NEGR1: variants seen among roughly 807,000 people sequenced by gnomAD.
NEGR1 encodes the protein neuronal growth regulator 1.
NEGR1 carries 10 observed loss-of-function variants against 40.9 expected under a neutral mutation model. That is an observed-to-expected ratio of 0.24 (90% confidence interval 0.15 to 0.42). The LOEUF (loss-of-function observed/expected upper bound fraction) is 0.42. Ranked by LOEUF, NEGR1 falls within the 10% of genes least tolerant of loss-of-function variation. The probability of loss-of-function intolerance (pLI) is 1.00; values close to 1 mark genes in which losing one functional copy is unlikely to be tolerated. For synonymous variants in NEGR1, 185 were observed against 166.8 expected (o/e 1.11, Z -0.84); for missense variants, 352 against 438.9 (o/e 0.80, Z 1.77).
At chr1:72,145,775 A>C (rs1357176639) in intron 1 of NEGR1, among the ~76,000 whole-genome samples, 1 of 152,038 alleles carries the variant, frequency 6.6e-6, no homozygotes, top group Admixed American at 6.6e-5. Flanking sequence ...TTCTTTACTC[A>C]GAATTATCAT....
chr1:71,496,056 A>T (rs1646961078), intron 6 of NEGR1, among the ~76,000 whole-genome samples: 1 of 152,174 alleles, frequency 6.6e-6, no homozygotes, highest in African/African-American at 2.4e-5. Flanking sequence ...AAGACCATCT[A>T]CATGCTCTGC....
chr1:71,424,858 A>G (rs1232552056), intron 6 of NEGR1, among the ~76,000 whole-genome samples: 1 of 152,204 alleles, frequency 6.6e-6, no homozygotes, highest in African/African-American at 2.4e-5. Context: ...CCTAGAGCCT[A>G]CAGATAAGAA....
intron 4 of NEGR1, among the ~76,000 whole-genome samples, chr1:71,667,477 G>A (rs1375445683): frequency 6.6e-6 from 1 of 152,148 alleles, no homozygotes; most frequent in African/African-American, 2.4e-5. Context: ...AGAGCCCTGG[G>A]TGGGATTGGG....
chr1:71,496,435 A>G (rs1383678301), intron 6 of NEGR1, among the ~76,000 whole-genome samples: 2 of 152,158 alleles, frequency 1.3e-5, no homozygotes, highest in Admixed American at 6.6e-5. Flanking sequence ...TGGTAAAAAA[A>G]GGGGATAGAA....
At chr1:71,649,941 T>C (rs1468720872) in intron 4 of NEGR1, among the ~76,000 whole-genome samples, 1 of 152,122 alleles carries the variant, frequency 6.6e-6, no homozygotes, top group Non-Finnish European at 1.5e-5. Context: ...ATATTCTTAC[T>C]TTTTCATTAC....
intron 4 of NEGR1, among the ~76,000 whole-genome samples, chr1:71,654,394 A>G (rs1651814903): frequency 6.6e-6 from 1 of 152,202 alleles, no homozygotes; most frequent in African/African-American, 2.4e-5. Context: ...CTACATGAAG[A>G]CAAAATATTA....
chr1:72,004,597 T>C (rs1270051095), intron 1 of NEGR1, among the ~76,000 whole-genome samples: 1 of 152,164 alleles, frequency 6.6e-6, no homozygotes, highest in African/African-American at 2.4e-5. Context: ...AATATCAAAC[T>C]TTTAACAGCA....
intron 1 of NEGR1, among the ~76,000 whole-genome samples, chr1:72,120,904 C>A (rs1649777406): frequency 6.6e-6 from 1 of 151,826 alleles, no homozygotes; most frequent in South Asian, 2.1e-4. Flanking sequence ...ACAATGTTGT[C>A]ATATAAAATT....
At chr1:71,474,034 T>C (rs528246828) in intron 6 of NEGR1, among the ~76,000 whole-genome samples, 1 of 152,034 alleles carries the variant, frequency 6.6e-6, no homozygotes, top group Non-Finnish European at 1.5e-5. Flanking sequence ...TGTGCAGAAG[T>C]GCTCTTTGAC....
At chr1:71,684,818 C>T (rs1455173495) in intron 4 of NEGR1, among the ~76,000 whole-genome samples, 1 of 152,132 alleles carries the variant, frequency 6.6e-6, no homozygotes, top group Non-Finnish European at 1.5e-5. Context: ...TTGTCATATT[C>T]CTGCTTCTAT....
intron 1 of NEGR1, among the ~76,000 whole-genome samples, chr1:72,084,908 G>T (rs995021734): frequency 6.6e-6 from 1 of 152,164 alleles, no homozygotes; most frequent in East Asian, 1.9e-4. Context: ...TGATGGAAAC[G>T]ATTATAAAAG....
intron 6 of NEGR1, chr1:71,489,938 C>T (rs1291620031): frequency 6.6e-6 from 1 of 151,924 alleles, no homozygotes; most frequent in East Asian, 1.9e-4. Flanking sequence ...TTCCCCCGCT[C>T]ACCCCAAATA....
At chr1:71,767,988 G>A (rs896015980) in intron 3 of NEGR1, among the ~76,000 whole-genome samples, 1 of 152,212 alleles carries the variant, frequency 6.6e-6, no homozygotes, top group Non-Finnish European at 1.5e-5. Context: ...CTGAGGCTTG[G>A]AAGCCTCTGC....
chr1:71,907,326 T>C (rs1661304612), intron 2 of NEGR1, among the ~76,000 whole-genome samples: 1 of 152,150 alleles, frequency 6.6e-6, no homozygotes, highest in African/African-American at 2.4e-5. Context: ...ACACTGAATA[T>C]AACTATTGTT....
chr1:71,811,191 T>C (rs1242166773), intron 2 of NEGR1, among the ~76,000 whole-genome samples: 1 of 152,150 alleles, frequency 6.6e-6, no homozygotes, highest in African/African-American at 2.4e-5. Flanking sequence ...ACCATCTCCA[T>C]GACGAAATAT....
chr1:72,076,721 C>T (rs1647755189), intron 1 of NEGR1, among the ~76,000 whole-genome samples: 1 of 152,190 alleles, frequency 6.6e-6, no homozygotes, highest in South Asian at 2.1e-4. Flanking sequence ...CATGCGTGCA[C>T]ACGCGCACAC....
At chr1:72,021,271 A>T (rs1031866203) in intron 1 of NEGR1, among the ~76,000 whole-genome samples, 9 of 152,198 alleles carry the variant, frequency 5.9e-5, no homozygotes, top group African/African-American at 2.2e-4. Flanking sequence ...AAGTTTGAAG[A>T]ATTTATATAT....
At chr1:72,113,190 A>G (rs982720681) in intron 1 of NEGR1, among the ~76,000 whole-genome samples, 1 of 151,704 alleles carries the variant, frequency 6.6e-6, no homozygotes, top group African/African-American at 2.4e-5. Context: ...CGGACTAGCA[A>G]GCTATGTGGA....
chr1:72,114,715 G>C (rs1649517242), intron 1 of NEGR1, among the ~76,000 whole-genome samples: 1 of 151,714 alleles, frequency 6.6e-6, no homozygotes, highest in Admixed American at 6.6e-5. Flanking sequence ...ACACATTCCG[G>C]AAACCCTATT....
Sources: gnomAD v4.1 joint callset for allele counts (sites outside exome capture counted in the v4.1 genomes callset) on GRCh38, gnomAD v4.1.1 for gene constraint, MANE v1.5 for transcripts, NCBI Gene and HGNC (gene_info 2026-07-23, HGNC 2026-07-21) for gene names.